The following EXOC6 variants were observed in gnomAD, a reference collection of about 807,000 sequenced individuals.
EXOC6 encodes the protein exocyst complex component 6.
EXOC6 carries 60 observed loss-of-function variants against 112.5 expected under a neutral mutation model. The ratio of observed to expected loss-of-function variants is 0.53; its 90% CI spans 0.43 to 0.66. The LOEUF (loss-of-function observed/expected upper bound fraction) is 0.66, where lower values mean the gene tolerates loss of function less well. Among genes scored for constraint, EXOC6 ranks in the 30% least tolerant of loss-of-function variants. The pLI is 0.00. For missense variants in EXOC6, 855 were observed against 957.1 expected (o/e 0.89, Z 1.41); for synonymous variants, 295 against 308.0 (o/e 0.96, Z 0.44).
intron 17 of EXOC6, among the ~76,000 whole-genome samples, chr10:92,963,009 G>T (rs1323822348): frequency 2.0e-5 from 3 of 152,100 alleles, no homozygotes; most frequent in African/African-American, 7.2e-5. Flanking sequence ...TCAGTTTGGA[G>T]CATGGGTAAG....
At chr10:92,940,623 G>T in intron 12 of EXOC6, 104 bp from the exon 13 acceptor site, 1 of 690,370 alleles carries the variant, frequency 1.4e-6, no homozygotes. Flanking sequence ...GGCATGCAAT[G>T]GGATCTAGTG....
intron 1 of EXOC6, among the ~76,000 whole-genome samples, chr10:92,872,409 T>C (rs1480079108): frequency 1.3e-5 from 2 of 152,094 alleles, no homozygotes; most frequent in African/African-American, 4.8e-5. Context: ...ATTAGTGGCT[T>C]AATATATGGT....
chr10:92,835,866 T>C (rs1348345531), intron 1 of EXOC6, among the ~76,000 whole-genome samples: 5 of 152,240 alleles, frequency 3.3e-5, no homozygotes, highest in African/African-American at 1.2e-4. Flanking sequence ...CATATACCTT[T>C]GTCTTATCTG....
chr10:92,885,859 C>G (rs1338165909), intron 1 of EXOC6, among the ~76,000 whole-genome samples: 2 of 152,038 alleles, frequency 1.3e-5, no homozygotes, highest in African/African-American at 4.8e-5. Flanking sequence ...TTGTCCTGAA[C>G]TCTCTTACAT....
intron 17 of EXOC6, among the ~76,000 whole-genome samples, chr10:92,959,409 C>G (rs1853865760): frequency 6.6e-6 from 1 of 152,104 alleles, no homozygotes; most frequent in Non-Finnish European, 1.5e-5. Context: ...TAGAAGATAA[C>G]ATAGGAGAAA....
intron 14 of EXOC6, among the ~76,000 whole-genome samples, chr10:92,949,843 G>C (rs1853297325): frequency 6.6e-6 from 1 of 152,044 alleles, no homozygotes; most frequent in South Asian, 2.1e-4. Context: ...TGATCTGCCT[G>C]CTTCAGCCAC....
At chr10:92,938,408 C>A (rs375246779) in intron 12 of EXOC6, among the ~76,000 whole-genome samples, 1 of 152,028 alleles carries the variant, frequency 6.6e-6, no homozygotes. Context: ...AAATTTATAA[C>A]TATTAATTGA....
chr10:92,917,155 C>T (rs1210136176), intron 7 of EXOC6, among the ~76,000 whole-genome samples: 7 of 151,846 alleles, frequency 4.6e-5, no homozygotes, highest in African/African-American at 1.5e-4. Flanking sequence ...TTATTAGAGA[C>T]GGGGTTTCAC....
intron 18 of EXOC6, among the ~76,000 whole-genome samples, chr10:92,996,291 G>T (rs1387415764): frequency 1.3e-5 from 2 of 152,204 alleles, no homozygotes; most frequent in Non-Finnish European, 2.9e-5. Flanking sequence ...GCAGTATTAT[G>T]CAGGAGAACT....
intron 19 of EXOC6, among the ~76,000 whole-genome samples, chr10:93,000,725 T>C (rs563204841): frequency 1.3e-5 from 2 of 152,314 alleles, no homozygotes; most frequent in South Asian, 4.1e-4. Context: ...AACATGCATT[T>C]ACTACTGATG....
In EXOC6 at chr10:93,037,076, C is replaced by T. The variant is rs189585036; in HGVS notation, c.2170-19848C>T. On this transcript the variant is annotated intron_variant, in intron 20 of 21. Transcript: ENST00000260762. ...ATTAACTATTAACATTGGCATTACTCAACAAGGAGCTATATCTTTTCTCTC... is the reference window on the plus strand; with the variant it reads ...ATTAACTATTAACATTGGCATTACTTAACAAGGAGCTATATCTTTTCTCTC... Among the ~76,000 whole-genome samples, 7 of 151,844 alleles carry T rather than the reference C, an allele frequency of 4.6e-5. No individual in the cohort carries two copies. In the South Asian group the frequency reaches 6.2e-4, roughly 14 times the overall value.
At chr10:92,965,367 T>G (rs1842003543) in intron 17 of EXOC6, among the ~76,000 whole-genome samples, 1 of 152,184 alleles carries the variant, frequency 6.6e-6, no homozygotes, top group South Asian at 2.1e-4. Context: ...GAAATTTTTT[T>G]TAAAAGTTCT....
At chr10:92,851,743 AT>A (rs1847355549) in intron 1 of EXOC6, among the ~76,000 whole-genome samples, 1 of 152,040 alleles carries the variant, frequency 6.6e-6, no homozygotes, top group Non-Finnish European at 1.5e-5. Flanking sequence ...TTACGTGACT[AT>A]AGATTCTACA....
chr10:92,968,887 G>A (rs946194947), intron 17 of EXOC6, among the ~76,000 whole-genome samples: 11 of 152,014 alleles, frequency 7.2e-5, no homozygotes, highest in South Asian at 2.1e-4. Flanking sequence ...TCCCAAAACC[G>A]TTTTGTTTTT....
chr10:93,026,430 G>C (rs1466601021), intron 20 of EXOC6, among the ~76,000 whole-genome samples: 1 of 152,180 alleles, frequency 6.6e-6, no homozygotes, highest in African/African-American at 2.4e-5. Context: ...CATTCCAGTG[G>C]CTGTGTGGTA....
rs151098804 is a variant in EXOC6, at chr10:92,919,989, C to G, written c.827C>G (p.Thr276Ser). ...EEDENEEEIL[T>S]VQDLVDFSPV... ...AAATGGTTTAATTTTCAGATCTTAA[C>G]TGTTCAGGATCTTGTTGATTTTTCC... is the stretch of plus-strand genomic sequence containing the variant. The change falls in exon 8 of 22, where the codon ACT (threonine) becomes AGT (serine). Residue 276 changes from threonine to serine, a missense_variant. Physicochemically the swap from Thr to Ser is moderately conservative, Grantham distance 58. Transcript: ENST00000260762. 2.5e-6 allele frequency: 4 copies of G among 1,598,682 alleles called. No homozygotes were observed. In the African/African-American group the frequency reaches 4.0e-5, roughly 16 times the overall value.
intron 5 of EXOC6, among the ~76,000 whole-genome samples, chr10:92,905,506 A>G (rs1167580528): frequency 6.6e-6 from 1 of 152,054 alleles, no homozygotes; most frequent in East Asian, 1.9e-4. Context: ...AGGTTTTTAT[A>G]TAGATACATT....
chr10:92,856,153 T>G (rs1282647705), intron 1 of EXOC6, among the ~76,000 whole-genome samples: 2 of 152,096 alleles, frequency 1.3e-5, no homozygotes, highest in Non-Finnish European at 2.9e-5. Context: ...CATGAGCCAC[T>G]GCACCTGGCC....
At chr10:93,040,469 G>C (rs1845707871) in intron 20 of EXOC6, among the ~76,000 whole-genome samples, 1 of 152,142 alleles carries the variant, frequency 6.6e-6, no homozygotes, top group Non-Finnish European at 1.5e-5. Context: ...GGATGGTCTT[G>C]ATCTCCTGAC....
Sources: allele counts gnomAD v4.1 joint callset (sites outside exome capture counted in the v4.1 genomes callset), GRCh38; gene constraint gnomAD v4.1.1; transcripts MANE v1.5; gene names NCBI Gene and HGNC (gene_info 2026-07-23, HGNC 2026-07-21).